The following ERICH6 variants were observed in gnomAD, a reference collection of about 807,000 sequenced individuals.
ERICH6 encodes the protein glutamate rich 6.
In ERICH6, 71 loss-of-function variants were observed where a neutral mutation model predicts 71.0. The ratio of observed to expected loss-of-function variants is 1.00; its 90% CI spans 0.83 to 1.22. The LOEUF is 1.22. ERICH6 is among the 50% of genes most tolerant of loss of function. ERICH6 has a pLI of 0.00. For synonymous variants in ERICH6, 262 were observed against 278.4 expected (o/e 0.94, Z 0.59); for missense variants, 808 against 797.2 (o/e 1.01, Z -0.16).
At chr3:150,686,044 T>C (rs1180453025) in intron 4 of ERICH6, 23 bp from the exon 5 acceptor site, 4 of 1,574,940 alleles carry the variant, frequency 2.5e-6, no homozygotes, top group Non-Finnish European at 3.5e-6. Flanking sequence ...AATAGATTCA[T>C]AAGAAATGTT....
chr3:150,696,106 G>A (rs1285895818), intron 3 of ERICH6, among the ~76,000 whole-genome samples: 5 of 151,784 alleles, frequency 3.3e-5, no homozygotes, highest in African/African-American at 1.2e-4. Flanking sequence ...TAGTTCAGTG[G>A]AACAGAATAT....
In ERICH6 at chr3:150,702,919, TGAGA is replaced by T. The variant is rs370919227; in HGVS notation, c.403+573_403+576del. Among the ~76,000 whole-genome samples the T allele has an allele frequency of 6.5e-5, 7 of 107,822 alleles. 1 individual carries two copies. Among genetic ancestry groups the T allele is most frequent in the South Asian group, 3.2e-4 (1 of 3,156 alleles). The allele number at this position is 107,822 out of a possible 152,430, so 70.7% of individuals were successfully genotyped here. A position where few individuals can be genotyped will look rare whatever the true frequency, so the allele number is the denominator to read the frequency against. ...GTGTGTGTGTGTGTGTGTGTGTCTGTGAGAGAGAGAGAGAGGGAGAGAGAAAGAG... is the reference window on the plus strand; with the variant it reads ...GTGTGTGTGTGTGTGTGTGTGTCTGTGAGAGAGAGAGGGAGAGAGAAAGAG... On this transcript the variant is annotated intron_variant, in intron 1 of 13. Coordinates refer to ENST00000295910, the MANE Select transcript of ERICH6 (RefSeq NM_152394.5).
chr3:150,699,068 T>C (rs1712761701), intron 2 of ERICH6, among the ~76,000 whole-genome samples, 186 bp from the exon 3 acceptor site: 1 of 152,116 alleles, frequency 6.6e-6, no homozygotes, highest in Non-Finnish European at 1.5e-5. Context: ...AATCTTTTTT[T>C]GGGGGGATAA....
At position 150,703,643 on chromosome 3, in the gene ERICH6, C is replaced by G. The variant is rs764108990; in HGVS notation, c.256G>C (p.Asp86His). The change falls in exon 1 of 14, where the codon GAC becomes CAC. Residue 86 changes from aspartate (D) to histidine (H), a missense_variant. Around this residue, in one of 3 missense-constraint regions of ERICH6, gnomAD observed 736 missense variants for 712.2 expected, o/e 1.03. Coordinates refer to ENST00000295910, the MANE Select transcript of ERICH6 (RefSeq NM_152394.5). ...EYLWKVTDIGDYDDDFPDVRP... is the reference protein window; with the variant it reads ...EYLWKVTDIGHYDDDFPDVRP... ...ACGTCTGGGAAGTCGTCGTCGTAGTCACCGATGTCCGTGACCTTCCAGAGG... is the reference window on the plus strand; with the variant it reads ...ACGTCTGGGAAGTCGTCGTCGTAGTGACCGATGTCCGTGACCTTCCAGAGG... The G allele has an allele frequency of 5.6e-6, 9 of 1,614,050 alleles. No homozygotes were observed. The South Asian group carries it at 9.9e-5, about 18-fold the overall frequency.
chr3:150,678,788 C>T (rs1711767445), intron 9 of ERICH6, among the ~76,000 whole-genome samples: 1 of 152,116 alleles, frequency 6.6e-6, no homozygotes, highest in Admixed American at 6.5e-5. Flanking sequence ...CACCTGTAAT[C>T]CCAGAACTTT....
At chr3:150,665,495 G>A (rs1199444929) in intron 13 of ERICH6, among the ~76,000 whole-genome samples, 8 of 120,968 alleles carry the variant, frequency 6.6e-5, no homozygotes, top group Admixed American at 3.0e-4. Context: ...CCAGCCTGGC[G>A]ACGGAGAGAG....
intron 10 of ERICH6, among the ~76,000 whole-genome samples, chr3:150,677,589 A>G: frequency 6.6e-6 from 1 of 151,650 alleles, no homozygotes; most frequent in Non-Finnish European, 1.5e-5. Flanking sequence ...CTCCACCCCC[A>G]GGCTCAAGGG....
intron 6 of ERICH6, among the ~76,000 whole-genome samples, chr3:150,685,098 G>C (rs1266360557): frequency 6.6e-6 from 1 of 152,148 alleles, no homozygotes; most frequent in Non-Finnish European, 1.5e-5. Context: ...GCCTCCCAAA[G>C]TGCTGGGATT....
intron 6 of ERICH6, among the ~76,000 whole-genome samples, chr3:150,684,805 T>A (rs1712111841): frequency 6.6e-6 from 1 of 152,074 alleles, no homozygotes; most frequent in South Asian, 2.1e-4. Context: ...TTTTTTTTAA[T>A]AATAAGCCTG....
At chr3:150,676,572 G>A (rs1263146927) in intron 10 of ERICH6, among the ~76,000 whole-genome samples, 2 of 152,108 alleles carry the variant, frequency 1.3e-5, no homozygotes, top group African/African-American at 2.4e-5. Flanking sequence ...ATTAGTGACC[G>A]TCCTCCAAAG....
intron 3 of ERICH6, among the ~76,000 whole-genome samples, chr3:150,696,184 A>G (rs923133872): frequency 6.6e-6 from 1 of 152,122 alleles, no homozygotes; most frequent in Non-Finnish European, 1.5e-5. Flanking sequence ...GTATAGGATA[A>G]AGACACCATT....
At chr3:150,667,131 A>G in intron 12 of ERICH6, 116 bp from the exon 13 acceptor site, 1 of 914,232 alleles carries the variant, frequency 1.1e-6, no homozygotes, top group Non-Finnish European at 1.7e-6. Context: ...GATTAGCAGG[A>G]GTGGTGGAAA....
chr3:150,688,638 T>C (rs1712293593), intron 3 of ERICH6, among the ~76,000 whole-genome samples: 1 of 152,236 alleles, frequency 6.6e-6, no homozygotes, highest in African/African-American at 2.4e-5. Flanking sequence ...GTCACGCCTC[T>C]GCTCACTGAG....
intron 7 of ERICH6, 134 bp from the exon 8 acceptor site, chr3:150,681,064 A>C (rs1445631505): frequency 1.1e-6 from 1 of 890,322 alleles, no homozygotes; most frequent in Non-Finnish European, 1.6e-6. Flanking sequence ...ATTAAGATAT[A>C]ATTCACATAC....
chr3:150,701,654 T>C (rs1712872820), intron 2 of ERICH6, among the ~76,000 whole-genome samples: 1 of 152,188 alleles, frequency 6.6e-6, no homozygotes, highest in Non-Finnish European at 1.5e-5. Flanking sequence ...AGGGAATATT[T>C]ACAAAGATGT....
At chr3:150,678,698 A>G in intron 9 of ERICH6, 144 bp from the exon 10 acceptor site, 1 of 644,462 alleles carries the variant, frequency 1.6e-6, no homozygotes, top group South Asian at 2.5e-5. Context: ...ATCTTTAAAA[A>G]TTTTATTATT....
chr3:150,670,366 C>G (rs1464214118), intron 11 of ERICH6, among the ~76,000 whole-genome samples: 1 of 151,676 alleles, frequency 6.6e-6, no homozygotes, highest in Admixed American at 6.6e-5. Context: ...CCTGTAGTCC[C>G]AGCTACTCAG....
At chr3:150,669,172 A>T in intron 12 of ERICH6, 124 bp downstream of exon 12, 1 of 1,047,366 alleles carries the variant, frequency 9.5e-7, no homozygotes, top group Non-Finnish European at 1.3e-6. Context: ...GTTGAACATT[A>T]CCATCTAAAG....
chr3:150,672,792 G>C (rs57761942), intron 11 of ERICH6, among the ~76,000 whole-genome samples: 1 of 151,084 alleles, frequency 6.6e-6, no homozygotes, highest in Non-Finnish European at 1.5e-5. Context: ...TGGGAGACTG[G>C]GGTGGGAGGA....
Sources: gnomAD v4.1 joint callset for allele counts (sites outside exome capture counted in the v4.1 genomes callset) on GRCh38, gnomAD v4.1.1 for gene constraint, gnomAD v4.1.1 regional missense constraint, MANE v1.5 for transcripts, NCBI Gene and HGNC (gene_info 2026-07-23, HGNC 2026-07-21) for gene names.